The following TASP1 variants were observed in gnomAD, a reference collection of about 807,000 sequenced individuals.
TASP1 encodes the protein threonine aspartase 1.
Under a neutral mutation model 56.6 loss-of-function variants are expected in TASP1, and 16 were observed. That is an observed-to-expected ratio of 0.28 (90% CI 0.19 to 0.43). The LOEUF is 0.43. TASP1 is among the 20% of genes least tolerant of loss of function. TASP1 has a pLI of 1.00. For synonymous variants in TASP1, 179 were observed against 184.2 expected, an observed-to-expected ratio of 0.97 and a Z score of 0.23; for missense variants, 393 against 511.6, an observed-to-expected ratio of 0.77 and a Z score of 2.24.
chr20:13,390,425 C>T lies in TASP1; in HGVS notation c.1198G>A (p.Ala400Thr), dbSNP rs755317412. The T allele has an allele frequency of 6.2e-6, 10 of 1,613,818 alleles. No individual in the cohort carries two copies. Among genetic ancestry groups the T allele is most frequent in the South Asian group, 3.3e-5 (3 of 91,086 alleles). Residue 400 changes from alanine (A) to threonine (T), a missense_variant, in exon 14 of 14, where the codon GCG becomes ACG. Physicochemically the swap from Ala to Thr is moderately conservative, Grantham distance 58. Coordinates refer to ENST00000337743, the MANE Select transcript of TASP1 (RefSeq NM_017714.3). ...ATTGCCACAGACTGTCCTGCCACCG[C>T]ACCAGGAGGAAGTCTTGAAATGTGA... ...KTHISRLPPG[A>T]VAGQSVAIEG...
rs572812854 is a variant in TASP1, at chr20:13,520,452, C to T, written c.874+7981G>A. On this transcript the variant is annotated intron_variant, in intron 10 of 13. Coordinates refer to ENST00000337743, the MANE Select transcript of TASP1 (RefSeq NM_017714.3). The stretch of plus-strand genomic sequence containing the variant: ...ATAGACCAATGGAACAGAACAGAGC[C>T]CTCAGAAACAATGCCACATATCTAC... Among the ~76,000 whole-genome samples, 4 of 152,178 alleles carry T rather than the reference C, an allele frequency of 2.6e-5. No individual in the cohort carries two copies. In the South Asian group the frequency reaches 8.3e-4, roughly 32 times the overall value.
At chr20:13,413,324 G>C (rs1047341339) in intron 13 of TASP1, among the ~76,000 whole-genome samples, 1 of 152,022 alleles carries the variant, frequency 6.6e-6, no homozygotes, top group African/African-American at 2.4e-5. Context: ...TATGACACAG[G>C]GTTTGTCACA....
At chr20:13,440,027 A>G (rs1345108282) in intron 11 of TASP1, among the ~76,000 whole-genome samples, 1 of 152,198 alleles carries the variant, frequency 6.6e-6, no homozygotes, top group Non-Finnish European at 1.5e-5. Flanking sequence ...AGAAGGGTCT[A>G]AAAACTTTCA....
intron 12 of TASP1, among the ~76,000 whole-genome samples, chr20:13,427,318 A>T (rs2042651195): frequency 6.6e-6 from 1 of 152,222 alleles, no homozygotes; most frequent in Admixed American, 6.5e-5. Context: ...TGGTAACAGC[A>T]ACAAAACAAA....
intron 11 of TASP1, among the ~76,000 whole-genome samples, chr20:13,435,774 A>G (rs2042981426): frequency 6.6e-6 from 1 of 152,144 alleles, no homozygotes; most frequent in South Asian, 2.1e-4. Context: ...TTCTTGCCCA[A>G]GGACATCTTC....
chr20:13,559,489 A>C lies in TASP1; in HGVS notation c.569-375T>G, dbSNP rs538724700. ...ACTGGAGATTATCCACAAAGAAAGGAGAAAGTCTCAATGGTTGATATTCCC... is the reference window on the plus strand; with the variant it reads ...ACTGGAGATTATCCACAAAGAAAGGCGAAAGTCTCAATGGTTGATATTCCC... On this transcript the variant is annotated intron_variant, in intron 7 of 13. Coordinates refer to ENST00000337743, the MANE Select transcript of TASP1 (RefSeq NM_017714.3). 2.0e-5 allele frequency among the ~76,000 whole-genome samples: 3 copies of C among 152,322 alleles called. No individual in the cohort carries two copies. The South Asian group carries it at 6.2e-4, about 32-fold the overall frequency.
chr20:13,405,997 G>T (rs2041905139), intron 13 of TASP1, among the ~76,000 whole-genome samples: 1 of 152,152 alleles, frequency 6.6e-6, no homozygotes, highest in Admixed American at 6.5e-5. Context: ...AGAGCTGGAC[G>T]GTATTCCTGC....
At chr20:13,535,451 C>T (rs2045381632) in intron 8 of TASP1, among the ~76,000 whole-genome samples, 1 of 152,142 alleles carries the variant, frequency 6.6e-6, no homozygotes, top group South Asian at 2.1e-4. Flanking sequence ...TATACTGATA[C>T]ACTATGACAG....
chr20:13,310,486 GAAA>G, the TASP1 span, among the ~76,000 whole-genome samples: 1 of 151,770 alleles, frequency 6.6e-6, no homozygotes, highest in East Asian at 1.9e-4. Context: ...AAGGAAACAG[GAAA>G]AAAAATGTAT....
At chr20:13,560,975 C>T (rs2046326134) in intron 7 of TASP1, among the ~76,000 whole-genome samples, 2 of 152,164 alleles carry the variant, frequency 1.3e-5, no homozygotes, top group Non-Finnish European at 2.9e-5. Flanking sequence ...AGCAGATTAT[C>T]ACCTACTAGG....
the TASP1 span, among the ~76,000 whole-genome samples, chr20:13,237,112 G>C: frequency 1.3e-5 from 2 of 152,136 alleles, no homozygotes; most frequent in East Asian, 3.9e-4. Context: ...TGAGGACCCT[G>C]CCCCTGCAGC....
At chr20:13,579,346 AAATCAT>A (rs1411975385) in intron 6 of TASP1, among the ~76,000 whole-genome samples, 1 of 152,182 alleles carries the variant, frequency 6.6e-6, no homozygotes, top group African/African-American at 2.4e-5. Context: ...GGTTTAATAT[AAATCAT>A]TAGAGAAGCA....
the TASP1 span, among the ~76,000 whole-genome samples, chr20:13,177,818 A>G: frequency 1.3e-5 from 2 of 152,320 alleles, no homozygotes; most frequent in Non-Finnish European, 2.9e-5. Flanking sequence ...CTAGAAGAAA[A>G]CATAGCAGAA....
intron 11 of TASP1, among the ~76,000 whole-genome samples, chr20:13,455,403 G>C (rs1463408832): frequency 6.6e-6 from 1 of 152,088 alleles, no homozygotes; most frequent in East Asian, 1.9e-4. Context: ...GTCTGAAAGA[G>C]ATCTAGTTTG....
intron 10 of TASP1, among the ~76,000 whole-genome samples, chr20:13,521,224 C>CT (rs2044738980): frequency 6.6e-6 from 1 of 152,104 alleles, no homozygotes; most frequent in Non-Finnish European, 1.5e-5. Context: ...GGCGATTCCT[C>CT]AGGGATCTAG....
intron 11 of TASP1, among the ~76,000 whole-genome samples, chr20:13,468,721 G>A (rs986186191): frequency 8.6e-5 from 13 of 152,038 alleles, no homozygotes; most frequent in South Asian, 4.2e-4. Flanking sequence ...TGAGTTTACC[G>A]TAACTAATAT....
intron 8 of TASP1, among the ~76,000 whole-genome samples, chr20:13,555,596 C>T (rs2046129923): frequency 6.6e-6 from 1 of 152,064 alleles, no homozygotes; most frequent in South Asian, 2.1e-4. Context: ...TTGCTACTTC[C>T]ACCACATCCA....
chr20:13,337,103 C>G, the TASP1 span, among the ~76,000 whole-genome samples: 2 of 152,172 alleles, frequency 1.3e-5, no homozygotes, highest in African/African-American at 4.8e-5. Context: ...TTTGTAACCT[C>G]AAGTTAAAGC....
the TASP1 span, among the ~76,000 whole-genome samples, chr20:13,108,514 G>A: frequency 5.3e-5 from 8 of 152,216 alleles, no homozygotes; most frequent in African/African-American, 1.7e-4. Context: ...ATGCACATAC[G>A]CTTCTTGAGA....
Sources: gnomAD v4.1 joint callset for allele counts (sites outside exome capture counted in the v4.1 genomes callset) on GRCh38, gnomAD v4.1.1 for gene constraint, MANE v1.5 for transcripts, NCBI Gene and HGNC (gene_info 2026-07-23, HGNC 2026-07-21) for gene names.